Variants in GPM6A observed in about 807,000 individuals in gnomAD.
GPM6A encodes the protein neuronal membrane glycoprotein M6-a.
In GPM6A, 7 loss-of-function variants were observed where a neutral mutation model predicts 32.1. The ratio of observed to expected loss-of-function variants is 0.22; its 90% confidence interval spans 0.12 to 0.41. The LOEUF (loss-of-function observed/expected upper bound fraction) is 0.41. GPM6A is among the 10% of genes least tolerant of loss of function. GPM6A has a pLI of 1.00. For missense variants in GPM6A, 235 were observed against 347.2 expected (o/e 0.68, Z 2.57); for synonymous variants, 130 against 123.4 (o/e 1.05, Z -0.35).
At chr4:176,000,491 A>G (rs546531348) in intron 1 of GPM6A, among the ~76,000 whole-genome samples, 1 of 152,358 alleles carries the variant, frequency 6.6e-6, no homozygotes, top group East Asian at 1.9e-4. Flanking sequence ...GGAAATGGAA[A>G]TTAAAAATAA....
intron 6 of GPM6A, among the ~76,000 whole-genome samples, chr4:175,637,368 T>G (rs1579324706): frequency 1.3e-5 from 1 of 79,264 alleles, no homozygotes; most frequent in Non-Finnish European, 2.1e-5. Context: ...ATATATAACA[T>G]ATAATATATT....
intron 1 of GPM6A, among the ~76,000 whole-genome samples, chr4:175,998,908 A>ATCATGTAAATTCTAAATTCTTC (rs11273591): frequency 2.6e-5 from 4 of 151,666 alleles, no homozygotes; most frequent in Admixed American, 2.6e-4. Flanking sequence ...CCTACCTCCT[A>ATCATGTAAATTCTAAATTCTTC]TCATTGCTTT....
At chr4:175,941,445 T>A (rs191557620) in intron 1 of GPM6A, among the ~76,000 whole-genome samples, 31 of 152,256 alleles carry the variant, frequency 2.0e-4, no homozygotes, top group African/African-American at 7.2e-4. Flanking sequence ...AACATGCAGG[T>A]TTGTCACATA....
intron 1 of GPM6A, among the ~76,000 whole-genome samples, chr4:175,943,995 G>T (rs764008638): frequency 6.6e-6 from 1 of 152,102 alleles, no homozygotes; most frequent in Admixed American, 6.6e-5. Flanking sequence ...ATTCGGATAT[G>T]AATCTGTCTG....
chr4:175,839,641 A>T (rs923436021), intron 1 of GPM6A, among the ~76,000 whole-genome samples: 3 of 152,200 alleles, frequency 2.0e-5, no homozygotes, highest in Admixed American at 2.0e-4. Flanking sequence ...TTTGAACAGA[A>T]ACAGACATTT....
chr4:175,958,108 G>A (rs749221775), intron 1 of GPM6A, among the ~76,000 whole-genome samples: 9 of 152,142 alleles, frequency 5.9e-5, no homozygotes, highest in Non-Finnish European at 8.8e-5. Flanking sequence ...GGCCAGGCCC[G>A]TCTCGAACTC....
At chr4:175,856,646 T>C (rs1736426280) in intron 1 of GPM6A, among the ~76,000 whole-genome samples, 2 of 152,084 alleles carry the variant, frequency 1.3e-5, no homozygotes, top group Non-Finnish European at 2.9e-5. Context: ...CATGAACGGA[T>C]TGAAGGTTGG....
intron 1 of GPM6A, among the ~76,000 whole-genome samples, chr4:175,779,431 A>G (rs778373719): frequency 1.3e-5 from 2 of 152,176 alleles, no homozygotes; most frequent in African/African-American, 4.8e-5. Flanking sequence ...CTTAGGCTAT[A>G]TTGTCAATAT....
chr4:175,788,643 G>A (rs1180418496), intron 1 of GPM6A, among the ~76,000 whole-genome samples: 1 of 151,958 alleles, frequency 6.6e-6, no homozygotes, highest in East Asian at 1.9e-4. Flanking sequence ...TTAATTATTT[G>A]CATAGCAGAA....
At chr4:175,881,041 T>C (rs1737257332) in intron 1 of GPM6A, among the ~76,000 whole-genome samples, 1 of 151,952 alleles carries the variant, frequency 6.6e-6, no homozygotes, top group African/African-American at 2.4e-5. Context: ...GAAACTACCA[T>C]CAGAGTGAAC....
intron 1 of GPM6A, among the ~76,000 whole-genome samples, chr4:175,880,611 C>T (rs1010014362): frequency 1.3e-5 from 2 of 152,242 alleles, no homozygotes; most frequent in African/African-American, 2.4e-5. Flanking sequence ...ACATCCCTTG[C>T]AAATTGGATT....
intron 1 of GPM6A, among the ~76,000 whole-genome samples, chr4:175,722,485 C>A (rs1405282805): frequency 6.6e-6 from 1 of 152,128 alleles, no homozygotes; most frequent in Admixed American, 6.5e-5. Flanking sequence ...TCCATAAATA[C>A]CCCTAAGGAA....
intron 1 of GPM6A, among the ~76,000 whole-genome samples, chr4:175,848,019 T>C (rs1736143789): frequency 6.6e-6 from 1 of 152,166 alleles, no homozygotes; most frequent in Non-Finnish European, 1.5e-5. Context: ...GCAAAAGATA[T>C]CAAATTCTTT....
chr4:175,786,067 G>A, intron 1 of GPM6A, among the ~76,000 whole-genome samples: 1 of 152,150 alleles, frequency 6.6e-6, no homozygotes. Context: ...ATCTCACAGA[G>A]TGGCAGCAAA....
chr4:175,812,304 T>TTTG, upstream of GPM6A: 2 of 980,788 alleles, frequency 2.0e-6, no homozygotes, highest in Non-Finnish European at 1.3e-6. Flanking sequence ...ACTGGGGGTT[T>TTTG]TTTTTTTTTT....
chr4:175,759,206 A>G (rs1732645102), intron 1 of GPM6A, among the ~76,000 whole-genome samples: 1 of 151,866 alleles, frequency 6.6e-6, no homozygotes, highest in South Asian at 2.1e-4. Flanking sequence ...GTGTAGCTGT[A>G]TGGGTTTTTC....
chr4:175,664,548 T>C (rs1428159908), intron 3 of GPM6A, among the ~76,000 whole-genome samples: 3 of 152,230 alleles, frequency 2.0e-5, no homozygotes, highest in African/African-American at 7.2e-5. Context: ...ACTTTCTTCT[T>C]TATTATCTTG....
intron 1 of GPM6A, among the ~76,000 whole-genome samples, chr4:175,854,203 A>G (rs1347566318): frequency 6.6e-6 from 1 of 152,232 alleles, no homozygotes; most frequent in African/African-American, 2.4e-5. Flanking sequence ...TTTCTTAGGA[A>G]AAGAATAAAA....
chr4:175,716,010 A>G (rs1406992375), intron 1 of GPM6A, among the ~76,000 whole-genome samples: 2 of 152,196 alleles, frequency 1.3e-5, no homozygotes, highest in Non-Finnish European at 2.9e-5. Context: ...GGTTGCAGTG[A>G]GCTGAGATCA....
Sources: gnomAD v4.1 joint callset for allele counts (sites outside exome capture counted in the v4.1 genomes callset) on GRCh38, gnomAD v4.1.1 for gene constraint, MANE v1.5 for transcripts, NCBI Gene and HGNC (gene_info 2026-07-23, HGNC 2026-07-21) for gene names.